Variants in SREBF2 observed in about 807,000 individuals in gnomAD.
The protein encoded by SREBF2 is sterol regulatory element-binding protein 2.
A neutral mutation model predicts 113.1 loss-of-function variants in SREBF2; 55 were observed. The observed-to-expected ratio is 0.49, with a 90% CI of 0.39 to 0.61. The LOEUF (loss-of-function observed/expected upper bound fraction) is 0.61, where lower values mean the gene tolerates loss of function less well. Ranked by LOEUF, SREBF2 falls within the 20% of genes least tolerant of loss-of-function variation. The pLI, the probability that SREBF2 is intolerant of heterozygous loss-of-function variation, is 0.00. For synonymous variants in SREBF2, 593 were observed against 605.7 expected (o/e 0.98, Z 0.31); for missense variants, 1,349 against 1,487.4 (o/e 0.91, Z 1.53).
Position 41,906,438 on chromosome 22 carries a change from GCTGGGAGAAATGAAGCCACCCATGGGGA to G in SREBF2, c.*784_*811del, listed in dbSNP as rs1489952709. The G allele has an allele frequency of 1.2e-5, 2 of 170,220 alleles. No homozygotes were observed. Among genetic ancestry groups the G allele is most frequent in the African/African-American group, 2.4e-5 (1 of 41,612 alleles). 10.5% of individuals were successfully genotyped at this position (170,220 alleles called of 1,614,324 possible). A position where few individuals can be genotyped will look rare whatever the true frequency, so the allele number is the denominator to read the frequency against. On this transcript the variant is annotated 3_prime_UTR_variant, in exon 19 of 19. Transcript: ENST00000361204. ...CCCAAGCTCAGGGTAGGCCCAGGGG[GCTGGGAGAAATGAAGCCACCCATGGGGA>G]CTGGGGACCAGGGGCCTTCAGCATG... is the stretch of plus-strand genomic sequence containing the variant.
At chr22:41,852,580 C>G (rs943971711) in intron 1 of SREBF2, among the ~76,000 whole-genome samples, 3 of 152,060 alleles carry the variant, frequency 2.0e-5, no homozygotes, top group Non-Finnish European at 2.9e-5. Flanking sequence ...GGGAGATGAC[C>G]TGTTTCCCAG....
chr22:41,878,542 A>G, intron 9 of SREBF2: 1 of 603,592 alleles, frequency 1.7e-6, no homozygotes, highest in Non-Finnish European at 2.7e-6. Context: ...TCTAGGCCCA[A>G]ATTGGAGAGG....
intron 1 of SREBF2, among the ~76,000 whole-genome samples, chr22:41,846,983 A>G (rs2076882737): frequency 6.6e-6 from 1 of 152,228 alleles, no homozygotes. Context: ...CAAGGCACAT[A>G]GGATCCTCCA....
Position 41,890,496 on chromosome 22 carries a change from G to T in SREBF2, c.2209-2621G>T, listed in dbSNP as rs186314243. The stretch of plus-strand genomic sequence containing the variant: ...AGACCGATGTTAGGGGACACAACCT[G>T]GGGTTGGGACTGGCCCAGGGATACT... On this transcript the variant is annotated intron_variant, in intron 11 of 18. Coordinates refer to ENST00000361204, the MANE Select transcript of SREBF2 (RefSeq NM_004599.4). Among the ~76,000 whole-genome samples, 63 of 152,288 alleles carry T rather than the reference G, an allele frequency of 4.1e-4. 1 individual carries two copies. The highest frequency in any genetic ancestry group is 3.5e-4 in the Non-Finnish European group (24 of 68,034).
intron 1 of SREBF2, among the ~76,000 whole-genome samples, chr22:41,841,304 G>A (rs1221935100): frequency 1.3e-5 from 2 of 152,236 alleles, no homozygotes; most frequent in African/African-American, 4.8e-5. Flanking sequence ...GGTATGTTTT[G>A]ACACTGGAGT....
intron 1 of SREBF2, among the ~76,000 whole-genome samples, chr22:41,862,200 T>A (rs565800529): frequency 6.6e-6 from 1 of 152,316 alleles, no homozygotes; most frequent in East Asian, 1.9e-4. Context: ...AAAGTGATAT[T>A]TATGTTACCT....
rs368732005 is a variant in SREBF2, at chr22:41,875,553, G to T, written c.1215G>T (p.Lys405Asn). 6.2e-7 allele frequency: 1 copy of T among 1,614,046 alleles called. No homozygotes were observed. Among genetic ancestry groups the T allele is most frequent in the Non-Finnish European group, 8.5e-7 (1 of 1,180,036 alleles). ...GGGTTTTCTTTGCAGAGCTTCTAAA[G>T]GGCATCGACCTAGGCAGTCTGGTGG... is the stretch of plus-strand genomic sequence containing the variant. ...KLANQKNKLL[K>N]GIDLGSLVDN... is the part of the protein sequence containing the mutation. Residue 405 changes from lysine (K) to asparagine (N), a missense_variant, in exon 7 of 19, where the codon AAG becomes AAT. By Grantham distance (94) the Lys-to-Asn change is moderately conservative (BLOSUM62 0). Around this residue, in one of 2 missense-constraint regions of SREBF2, gnomAD observed 699 missense variants for 843.3 expected, o/e 0.83. Transcript: ENST00000361204.
chr22:41,893,434 C>T (rs2148411948), intron 12 of SREBF2, 149 bp downstream of exon 12: 2 of 943,850 alleles, frequency 2.1e-6, no homozygotes, highest in South Asian at 2.8e-5. Flanking sequence ...TTGTTTGAAC[C>T]AAAGCTCAGG....
intron 15 of SREBF2, chr22:41,900,019 G>A: frequency 1.5e-6 from 2 of 1,297,082 alleles, no homozygotes; most frequent in Non-Finnish European, 2.0e-6. Flanking sequence ...CCACTTTATA[G>A]GTAAGGAAAC....
At chr22:41,862,061 C>G (rs1271506888) in intron 1 of SREBF2, among the ~76,000 whole-genome samples, 2 of 151,582 alleles carry the variant, frequency 1.3e-5, no homozygotes, top group African/African-American at 4.9e-5. Flanking sequence ...GGATTATTGA[C>G]TGAATCTGTA....
intron 1 of SREBF2, among the ~76,000 whole-genome samples, chr22:41,863,020 G>T (rs932506103): frequency 2.0e-5 from 3 of 152,246 alleles, no homozygotes; most frequent in Middle Eastern, 3.4e-3. Context: ...CCCACAAAAG[G>T]GTTTCAAGAG....
At chr22:41,871,137 G>A (rs879453250) in intron 4 of SREBF2, 102 bp downstream of exon 4, 20 of 1,493,138 alleles carry the variant, frequency 1.3e-5, no homozygotes, top group Non-Finnish European at 1.8e-5. Flanking sequence ...AGGTATGGGA[G>A]GGTCTATAGC....
intron 10 of SREBF2, among the ~76,000 whole-genome samples, chr22:41,883,729 A>C (rs910593937): frequency 1.4e-4 from 22 of 152,108 alleles, no homozygotes; most frequent in African/African-American, 5.3e-4. Context: ...GGAGGCTGAG[A>C]TCTCCCTAGG....
At chr22:41,875,283 TCA>T in intron 5 of SREBF2, 52 bp from the exon 6 acceptor site, 1 of 1,493,846 alleles carries the variant, frequency 6.7e-7, no homozygotes. Flanking sequence ...TCTGCTCTTT[TCA>T]CACTGTAGCC....
intron 11 of SREBF2, chr22:41,885,937 T>C (rs1203677360): frequency 6.6e-5 from 10 of 152,232 alleles, no homozygotes; most frequent in Admixed American, 6.5e-4. Context: ...CTACACTTGA[T>C]CTTAGCCAGA....
chr22:41,841,483 C>T (rs1360344181), intron 1 of SREBF2, among the ~76,000 whole-genome samples: 1 of 152,202 alleles, frequency 6.6e-6, no homozygotes, highest in Non-Finnish European at 1.5e-5. Flanking sequence ...TCTCCTCCCT[C>T]CTCTGTCTAT....
chr22:41,872,119 G>C (rs531918661), intron 4 of SREBF2, among the ~76,000 whole-genome samples: 1 of 151,680 alleles, frequency 6.6e-6, no homozygotes, highest in African/African-American at 2.4e-5. Context: ...GCATGGTGGC[G>C]GGCACCTGTA....
chr22:41,895,140 GTT>G (rs371294741), intron 13 of SREBF2, among the ~76,000 whole-genome samples: 6 of 138,098 alleles, frequency 4.3e-5, no homozygotes, highest in East Asian at 2.1e-4. Context: ...GACCAAGTGC[GTT>G]TTTTTTTTTT....
chr22:41,881,097 A>G, intron 10 of SREBF2, 105 bp downstream of exon 10: 2 of 1,447,838 alleles, frequency 1.4e-6, no homozygotes, highest in South Asian at 2.5e-5. Context: ...AGTCCCTTTA[A>G]CGCTACTCTT....
Sources: allele counts gnomAD v4.1 joint callset (sites outside exome capture counted in the v4.1 genomes callset), GRCh38; gene constraint gnomAD v4.1.1; regional missense constraint gnomAD v4.1.1; transcripts MANE v1.5; gene names NCBI Gene and HGNC (gene_info 2026-07-23, HGNC 2026-07-21).